The following ANGPT2 variants were observed in gnomAD, a reference collection of about 807,000 sequenced individuals.
ANGPT2 encodes the protein angiopoietin-2.
Under a neutral mutation model 62.9 loss-of-function variants are expected in ANGPT2, and 28 were observed. The ratio of observed to expected loss-of-function variants is 0.44; its 90% confidence interval spans 0.33 to 0.61. The LOEUF is 0.61. Ranked by LOEUF, ANGPT2 falls within the 20% of genes least tolerant of loss-of-function variation. ANGPT2 has a pLI of 0.03. For missense variants in ANGPT2, 727 were observed against 594.9 expected (o/e 1.22, Z -2.31); for synonymous variants, 284 against 207.8 (o/e 1.37, Z -3.15).
chr8:6,531,337 G>T, intron 2 of ANGPT2, among the ~76,000 whole-genome samples: 1 of 148,500 alleles, frequency 6.7e-6, no homozygotes. Context: ...TGCCCAGGCT[G>T]GAGTGCAGTG....
chr8:6,522,791 G>C (rs1817619978), intron 3 of ANGPT2, among the ~76,000 whole-genome samples: 1 of 150,756 alleles, frequency 6.6e-6, no homozygotes, highest in Non-Finnish European at 1.5e-5. Flanking sequence ...AAAAAGAAAA[G>C]AAAAGAAATG....
At chr8:6,557,834 T>C (rs1824890824) in intron 1 of ANGPT2, among the ~76,000 whole-genome samples, 1 of 152,182 alleles carries the variant, frequency 6.6e-6, no homozygotes. Flanking sequence ...TCATGATTCA[T>C]TGTATGCATC....
Position 6,499,773 on chromosome 8 carries a change from G to C in ANGPT2, c.*3328C>G. The C allele has an allele frequency of 7.9e-7, 1 of 1,272,706 alleles. No individual in the cohort carries two copies. The highest frequency in any genetic ancestry group is 1.1e-6 in the Non-Finnish European group (1 of 872,700). The allele number at this position is 1,272,706 out of a possible 1,614,324, so 78.8% of individuals were successfully genotyped here. ...TGCGGAGTGTATCACTTTTTGCTGT[G>C]TCTTCAAAGTGATTCTTGGTTTATT... is the stretch of plus-strand genomic sequence containing the variant. On this transcript the variant is annotated 3_prime_UTR_variant, in exon 9 of 9. Coordinates refer to ENST00000629816, the MANE Select transcript of ANGPT2 (RefSeq NM_001118887.2).
chr8:6,552,442 AT>A, intron 1 of ANGPT2, among the ~76,000 whole-genome samples: 1 of 152,190 alleles, frequency 6.6e-6, no homozygotes, highest in East Asian at 1.9e-4. Flanking sequence ...TCGAAAAGGA[AT>A]TCATTATCTT....
chr8:6,527,408 C>G (rs1248395896), intron 3 of ANGPT2, 147 bp downstream of exon 3: 1 of 935,718 alleles, frequency 1.1e-6, no homozygotes, highest in Non-Finnish European at 1.5e-6. Flanking sequence ...TCTCCAAGCC[C>G]TCTCCCTTCT....
At chr8:6,526,704 A>C (rs1340591113) in intron 3 of ANGPT2, among the ~76,000 whole-genome samples, 2 of 152,200 alleles carry the variant, frequency 1.3e-5, no homozygotes, top group Non-Finnish European at 2.9e-5. Flanking sequence ...TTTGGTTAAG[A>C]ATAAAGAATT....
intron 1 of ANGPT2, among the ~76,000 whole-genome samples, chr8:6,534,303 A>T (rs1292665770): frequency 6.6e-6 from 1 of 152,228 alleles, no homozygotes; most frequent in African/African-American, 2.4e-5. Context: ...TAGGTATTCT[A>T]AGCAACCTCG....
chr8:6,543,861 C>G (rs887313783), intron 1 of ANGPT2, among the ~76,000 whole-genome samples: 1 of 152,166 alleles, frequency 6.6e-6, no homozygotes, highest in African/African-American at 2.4e-5. Context: ...AGGAGCTGTA[C>G]ATCTGCCTGG....
At chr8:6,531,819 G>C (rs748651132) in intron 2 of ANGPT2, among the ~76,000 whole-genome samples, 1 of 152,142 alleles carries the variant, frequency 6.6e-6, no homozygotes. Context: ...TCTTTTCTGT[G>C]GCTAGACGCT....
chr8:6,503,594 C>G (rs1812636235), intron 8 of ANGPT2, among the ~76,000 whole-genome samples: 2 of 152,204 alleles, frequency 1.3e-5, no homozygotes, highest in Admixed American at 1.3e-4. Context: ...ATCTGAGGCA[C>G]AGTTGGAAAA....
chr8:6,559,230 A>AACACAC (rs59299448), intron 1 of ANGPT2, among the ~76,000 whole-genome samples: 1,765 of 146,084 alleles, frequency 0.012, 22 homozygotes, highest in East Asian at 0.079. Context: ...CACACACGAC[A>AACACAC]ACACACACAC....
Position 6,562,895 on chromosome 8 carries a change from C to A in ANGPT2, c.40G>T (p.Val14Phe), listed in dbSNP as rs1825774587. The change falls in exon 1 of 9, where the codon GTC (valine) becomes TTC (phenylalanine). Residue 14 changes from valine (V) to phenylalanine (F), a missense_variant. Val to Phe is a conservative substitution (Grantham distance 50). Coordinates refer to ENST00000629816, the MANE Select transcript of ANGPT2 (RefSeq NM_001118887.2). Reference sequence around the variant, plus strand: ...AAGTTGTTATAGGCTGCGGCCAAGACAAGATCACAGCTCAGAGTAAAGAAA... The same window carrying A: ...AAGTTGTTATAGGCTGCGGCCAAGAAAAGATCACAGCTCAGAGTAAAGAAA... Reference protein sequence around the residue: ...IVFFTLSCDLVLAAAYNNFRK... With the variant: ...IVFFTLSCDLFLAAAYNNFRK... The A allele has an allele frequency of 6.2e-6, 10 of 1,607,732 alleles. No homozygotes were observed. Among genetic ancestry groups the A allele is most frequent in the Non-Finnish European group, 8.5e-6 (10 of 1,174,754 alleles).
chr8:6,559,830 C>G (rs1157111956), intron 1 of ANGPT2, among the ~76,000 whole-genome samples: 1 of 151,708 alleles, frequency 6.6e-6, no homozygotes, highest in Non-Finnish European at 1.5e-5. Context: ...GTTTGGTCCA[C>G]TGCAGTGTGT....
At chr8:6,531,755 T>G (rs574399124) in intron 2 of ANGPT2, among the ~76,000 whole-genome samples, 1 of 151,804 alleles carries the variant, frequency 6.6e-6, no homozygotes, top group African/African-American at 2.4e-5. Context: ...ATTTGGTTAG[T>G]GGCGGACCTG....
chr8:6,530,899 C>T (rs1224774342), intron 2 of ANGPT2, among the ~76,000 whole-genome samples: 1 of 152,220 alleles, frequency 6.6e-6, no homozygotes, highest in Non-Finnish European at 1.5e-5. Context: ...TCTCCCCTCT[C>T]ATGTCCTCTC....
intron 1 of ANGPT2, among the ~76,000 whole-genome samples, chr8:6,536,499 C>G (rs1820525519): frequency 6.6e-6 from 1 of 152,142 alleles, no homozygotes; most frequent in South Asian, 2.1e-4. Context: ...CCACCCACCC[C>G]TCAGTGGAGG....
At chr8:6,537,903 C>T (rs930848259) in intron 1 of ANGPT2, among the ~76,000 whole-genome samples, 6 of 152,122 alleles carry the variant, frequency 3.9e-5, no homozygotes, top group Admixed American at 3.3e-4. Flanking sequence ...AAATAAAATT[C>T]AAGGTCCTTA....
chr8:6,562,588 G>A (rs150799541), intron 1 of ANGPT2, 59 bp downstream of exon 1: 8 of 138,212 alleles, frequency 5.8e-5, no homozygotes, highest in African/African-American at 3.4e-4. Context: ...TAAAACCTGA[G>A]CTGCTGCCAA....
chr8:6,525,265 A>G (rs370770293), intron 3 of ANGPT2, among the ~76,000 whole-genome samples: 9 of 152,246 alleles, frequency 5.9e-5, no homozygotes, highest in East Asian at 5.8e-4. Flanking sequence ...GTAAATTAGT[A>G]TGTAATTTTG....
Sources: allele counts gnomAD v4.1 joint callset (sites outside exome capture counted in the v4.1 genomes callset), GRCh38; gene constraint gnomAD v4.1.1; transcripts MANE v1.5; gene names NCBI Gene and HGNC (gene_info 2026-07-23, HGNC 2026-07-21).